The following C12orf42 variants were observed in gnomAD, a reference collection of about 807,000 sequenced individuals.
The protein encoded by C12orf42 is uncharacterized protein C12orf42.
C12orf42 carries 25 observed loss-of-function variants against 21.6 expected under a neutral mutation model. The observed-to-expected ratio is 1.16, with a 90% CI of 0.84 to 1.62. C12orf42 has a LOEUF of 1.62. Among genes scored for constraint, C12orf42 ranks in the 40% most tolerant of loss-of-function variants. C12orf42 has a pLI of 0.00. For missense variants in C12orf42, 483 were observed against 459.3 expected, an observed-to-expected ratio of 1.05 and a Z score of -0.47; for synonymous variants, 174 against 175.0, an observed-to-expected ratio of 0.99 and a Z score of 0.05.
At chr12:103,059,776 A>T in the C12orf42 span, among the ~76,000 whole-genome samples, 1 of 152,226 alleles carries the variant, frequency 6.6e-6, no homozygotes, top group African/African-American at 2.4e-5. Flanking sequence ...GATAAAATTT[A>T]ACATCCCTTC....
rs1271654192 is a variant in C12orf42 at position 103,381,914 on chromosome 12, C to T, written c.148-12916G>A. Among the ~76,000 whole-genome samples the T allele has an allele frequency of 2.0e-4, 18 of 90,816 alleles. No individual in the cohort carries two copies. In the Admixed American group the frequency reaches 2.5e-3, roughly 13 times the overall value. 59.6% of individuals were successfully genotyped at this position (90,816 alleles called of 152,430 possible). On this transcript the variant is annotated intron_variant, in intron 3 of 5. Transcript: ENST00000548883. ...CCTGGGCAACAGAGTGAGACTCCGT[C>T]TCAAAAAAAAAAAAAATTTGCTTTC...
At chr12:103,471,484 G>C (rs1953601392) in intron 2 of C12orf42, among the ~76,000 whole-genome samples, 1 of 152,172 alleles carries the variant, frequency 6.6e-6, no homozygotes, top group South Asian at 2.1e-4. Flanking sequence ...AAGCTATGTT[G>C]AGTTGTATGT....
intron 2 of C12orf42, among the ~76,000 whole-genome samples, chr12:103,418,890 G>C (rs1374661007): frequency 2.2e-5 from 3 of 138,472 alleles, no homozygotes; most frequent in Non-Finnish European, 4.6e-5. Flanking sequence ...ATCTACTATT[G>C]ACAAAGGTCT....
rs144819562 is a variant in C12orf42 at position 103,442,974 on chromosome 12, G to A, written c.78+35375C>T. ...TTCTGAGAACTAAGTAGTAAACACG[G>A]CAGGTGCTCTAAGCAGCTTACAGTC... On this transcript the variant is annotated intron_variant, in intron 2 of 5. Coordinates refer to ENST00000548883, the MANE Select transcript of C12orf42 (RefSeq NM_198521.5). Among the ~76,000 whole-genome samples the A allele has an allele frequency of 2.6e-5, 4 of 152,186 alleles. No individual in the cohort carries two copies. The East Asian group carries it at 7.7e-4, about 29-fold the overall frequency.
At chr12:103,297,088 T>G (rs1400528941), downstream of C12orf42, among the ~76,000 whole-genome samples, 1 of 152,236 alleles carries the variant, frequency 6.6e-6, no homozygotes, top group African/African-American at 2.4e-5. Context: ...GGCTAGCCAG[T>G]TTTCCCAGCA....
At chr12:103,222,569 T>A in the C12orf42 span, among the ~76,000 whole-genome samples, 5 of 152,154 alleles carry the variant, frequency 3.3e-5, no homozygotes, top group African/African-American at 1.2e-4. Flanking sequence ...GGCCTGACAA[T>A]GTTCATGGCG....
chr12:103,293,426 G>A (rs2036950694), intron 4 of C12orf42, among the ~76,000 whole-genome samples: 1 of 152,000 alleles, frequency 6.6e-6, no homozygotes, highest in African/African-American at 2.4e-5. Flanking sequence ...CAGGTACCAC[G>A]AAAGTTGATC....
At chr12:103,478,326 A>G in intron 2 of C12orf42, 23 bp downstream of exon 2, 1 of 1,515,242 alleles carries the variant, frequency 6.6e-7, no homozygotes, top group Non-Finnish European at 9.0e-7. Flanking sequence ...AAGTAAGAAA[A>G]TATAGTATCT....
At chr12:103,100,110 G>T in the C12orf42 span, among the ~76,000 whole-genome samples, 1 of 152,218 alleles carries the variant, frequency 6.6e-6, no homozygotes, top group African/African-American at 2.4e-5. Flanking sequence ...AAATCAAACT[G>T]TCTGTACTGT....
intron 1 of C12orf42, among the ~76,000 whole-genome samples, chr12:103,485,976 C>T (rs2138125788): frequency 6.6e-6 from 1 of 152,248 alleles, no homozygotes; most frequent in African/African-American, 2.4e-5. Context: ...CTTTCTCTTG[C>T]CTGATTGCCC....
At chr12:103,521,886 C>A in the C12orf42 span, among the ~76,000 whole-genome samples, 2 of 152,292 alleles carry the variant, frequency 1.3e-5, no homozygotes, top group African/African-American at 4.8e-5. Context: ...CAAATAAACT[C>A]TAAAATTTAA....
At chr12:103,422,833 T>TAA (rs75586729) in intron 2 of C12orf42, among the ~76,000 whole-genome samples, 1 of 134,652 alleles carries the variant, frequency 7.4e-6, no homozygotes, top group Non-Finnish European at 1.6e-5. Flanking sequence ...CTGGGAACAT[T>TAA]AAAAAAAAAA....
At chr12:103,431,226 G>T (rs1263104569) in intron 2 of C12orf42, 1 of 152,076 alleles carries the variant, frequency 6.6e-6, no homozygotes, top group Admixed American at 6.5e-5. Flanking sequence ...CATTCATCCA[G>T]GGAGATACCA....
At chr12:103,331,784 T>A (rs1321087428) in intron 4 of C12orf42, among the ~76,000 whole-genome samples, 1 of 152,110 alleles carries the variant, frequency 6.6e-6, no homozygotes, top group Non-Finnish European at 1.5e-5. Context: ...GGCAAGGTTG[T>A]CAGCAGCCTA....
chr12:103,222,974 A>T, the C12orf42 span, among the ~76,000 whole-genome samples: 1 of 151,610 alleles, frequency 6.6e-6, no homozygotes, highest in African/African-American at 2.4e-5. Flanking sequence ...GGCTTCTTCC[A>T]TTCAGTCTAC....
At chr12:103,220,041 G>C in the C12orf42 span, among the ~76,000 whole-genome samples, 1 of 152,172 alleles carries the variant, frequency 6.6e-6, no homozygotes, top group Non-Finnish European at 1.5e-5. Flanking sequence ...ACTGGATAAA[G>C]AAAATGTGGC....
At chr12:103,561,635 A>G in the C12orf42 span, among the ~76,000 whole-genome samples, 1 of 152,166 alleles carries the variant, frequency 6.6e-6, no homozygotes, top group Admixed American at 6.5e-5. Flanking sequence ...GAATCTGGGG[A>G]GGACAGAAAC....
chr12:103,534,765 C>T, the C12orf42 span, among the ~76,000 whole-genome samples: 1 of 152,162 alleles, frequency 6.6e-6, no homozygotes, highest in Non-Finnish European at 1.5e-5. Context: ...TTTGCTCAGA[C>T]TATCTTTTCA....
At chr12:103,142,294 ACT>A in the C12orf42 span, among the ~76,000 whole-genome samples, 4 of 152,120 alleles carry the variant, frequency 2.6e-5, no homozygotes. Flanking sequence ...TTCCAAATGG[ACT>A]CTCTCTGAGA....
Sources: allele counts gnomAD v4.1 joint callset (sites outside exome capture counted in the v4.1 genomes callset), GRCh38; gene constraint gnomAD v4.1.1; transcripts MANE v1.5; gene names NCBI Gene and HGNC (gene_info 2026-07-23, HGNC 2026-07-21).